The following FOXI3 variants were observed in gnomAD, a reference collection of about 807,000 sequenced individuals.
The protein encoded by FOXI3 is forkhead box I3.
Under a neutral mutation model 15.6 loss-of-function variants are expected in FOXI3, and 4 were observed. The ratio of observed to expected loss-of-function variants is 0.26; its 90% CI spans 0.13 to 0.59. FOXI3 has a LOEUF of 0.59. Ranked by LOEUF, FOXI3 falls within the 20% of genes least tolerant of loss-of-function variation. The probability of loss-of-function intolerance (pLI) is 0.90; values close to 1 mark genes in which losing one functional copy is unlikely to be tolerated. For synonymous variants in FOXI3, 238 were observed against 244.4 expected (o/e 0.97, Z 0.25); for missense variants, 489 against 548.2 (o/e 0.89, Z 1.08).
rs1208628703 is a variant in FOXI3, at chr2:88,448,185, T to A, written c.*22A>T. On this transcript the variant is annotated 3_prime_UTR_variant, in exon 2 of 2. Coordinates refer to ENST00000428390, the MANE Select transcript of FOXI3 (RefSeq NM_001135649.3). ...CATGTGTGCACGCCTCAGGTGTGCATACTCAAGTCTGAGAGTCTGCTCTAC... is the reference window on the plus strand; with the variant it reads ...CATGTGTGCACGCCTCAGGTGTGCAAACTCAAGTCTGAGAGTCTGCTCTAC... 1.3e-6 allele frequency: 2 copies of A among 1,545,122 alleles called. No homozygotes were observed. The highest frequency in any genetic ancestry group is 1.8e-6 in the Non-Finnish European group (2 of 1,142,536).
chr2:88,452,616 C>A lies in FOXI3; in HGVS notation c.-81G>T. On this transcript the variant is annotated 5_prime_UTR_variant, in exon 1 of 2. It adds an upstream start codon to the 5' untranslated region. Transcript: ENST00000428390. ...TCTCGCCGCTCGGGCGAGAGCATCC[C>A]TTTGGGGGCCAACCCTGCGGCTCCG... 1 of 887,100 alleles carries A rather than the reference C, an allele frequency of 1.1e-6. No individual in the cohort carries two copies. The highest frequency in any genetic ancestry group is 5.1e-5 in the South Asian group (1 of 19,708). The allele number at this position is 887,100 out of a possible 1,614,324, so 55.0% of individuals were successfully genotyped here.
chr2:88,452,360 G>A lies in FOXI3; in HGVS notation c.176C>T (p.Pro59Leu). 1.0e-6 allele frequency: 1 copy of A among 986,038 alleles called. No individual in the cohort carries two copies. The highest frequency in any genetic ancestry group is 4.5e-5 in the South Asian group (1 of 22,144). 61.1% of individuals were successfully genotyped at this position (986,038 alleles called of 1,614,324 possible). The stretch of plus-strand genomic sequence containing the variant: ...GGCGGAGGGCGGGCCTCCCACGCCG[G>A]GCCCGTTGAGCCACAGGTAGGGGTT... ...AANPYLWLNGPGVGGPPSAAA... is the reference protein window; with the variant it reads ...AANPYLWLNGLGVGGPPSAAA... Residue 59 changes from proline (P) to leucine (L), a missense_variant, in exon 1 of 2, where the codon CCC (proline) becomes CTC (leucine). Physicochemically the swap from Pro to Leu is moderately conservative, Grantham distance 98. This residue lies in a region of FOXI3 where 224 missense variants were observed against 245.7 expected (regional missense o/e 0.91). Transcript: ENST00000428390.
intron 1 of FOXI3, among the ~76,000 whole-genome samples, chr2:88,450,337 G>A (rs938426090): frequency 6.6e-6 from 1 of 151,338 alleles, no homozygotes; most frequent in Non-Finnish European, 1.5e-5. Flanking sequence ...GGCTAAGGCA[G>A]CAAAATTGTT....
chr2:88,448,465 A>C lies in FOXI3; in HGVS notation c.1005T>G (p.Pro335=). Residue 335 remains proline, a synonymous_variant, in exon 2 of 2, where the codon CCT becomes CCG. Transcript: ENST00000428390. ...CCTGGATCCCTAGGTGGCGGCTGCCAGGGAGAGCCCGCTGGGTACTCACAC... is the reference window on the plus strand; with the variant it reads ...CCTGGATCCCTAGGTGGCGGCTGCCCGGGAGAGCCCGCTGGGTACTCACAC... ...SSSVSTQRAL[P]GSRHLGIQGA... is the part of the protein sequence containing the mutation. The C allele has an allele frequency of 6.4e-7, 1 of 1,551,690 alleles. No homozygotes were observed.
Position 88,452,666 on chromosome 2 carries a change from T to A in FOXI3, c.-131A>T. Reference sequence around the variant, plus strand: ...GCCTTCACCCGCGCTGGGCGCCCGGTGCTCCGGGCCGGGGTCGGGCGGGTG... The same window carrying A: ...GCCTTCACCCGCGCTGGGCGCCCGGAGCTCCGGGCCGGGGTCGGGCGGGTG... On this transcript the variant is annotated 5_prime_UTR_variant, in exon 1 of 2. Coordinates refer to ENST00000428390, the MANE Select transcript of FOXI3 (RefSeq NM_001135649.3). 1 of 448,838 alleles carries A rather than the reference T, an allele frequency of 2.2e-6. No homozygotes were observed. Among genetic ancestry groups the A allele is most frequent in the Non-Finnish European group, 3.0e-6 (1 of 328,062 alleles). The allele number at this position is 448,838 out of a possible 1,614,324, so 27.8% of individuals were successfully genotyped here.
chr2:88,448,503 T>C lies in FOXI3; in HGVS notation c.967A>G (p.Ser323Gly). The C allele has an allele frequency of 1.3e-6, 2 of 1,551,612 alleles. No individual in the cohort carries two copies. The highest frequency in any genetic ancestry group is 2.4e-5 in the East Asian group (1 of 40,908). ...NTFFSSLSSL[S>G]VSSSVSTQRA... ...TGGGTACTCACACTGCTGCTGACAC[T>C]CAAGGAGCTGAGGCTGCTGAAGAAA... Residue 323 changes from serine (S) to glycine (G), a missense_variant, in exon 2 of 2, where the codon AGT becomes GGT. Around this residue, in one of 3 missense-constraint regions of FOXI3, gnomAD observed 263 missense variants for 285.5 expected, o/e 0.92. Transcript: ENST00000428390.
At chr2:88,449,448 C>A (rs981349785) in intron 1 of FOXI3, among the ~76,000 whole-genome samples, 3 of 151,868 alleles carry the variant, frequency 2.0e-5, no homozygotes, top group Non-Finnish European at 4.4e-5. Context: ...TTCAAAATGA[C>A]AAAAAAAATT....
At chr2:88,449,690 G>A (rs1183350118) in intron 1 of FOXI3, among the ~76,000 whole-genome samples, 1 of 152,160 alleles carries the variant, frequency 6.6e-6, no homozygotes, top group Admixed American at 6.5e-5. Flanking sequence ...CTATCATCTT[G>A]GAGGATTTTA....
intron 1 of FOXI3, among the ~76,000 whole-genome samples, chr2:88,451,186 A>G (rs1676037469): frequency 6.6e-6 from 1 of 152,004 alleles, no homozygotes. Flanking sequence ...GTTAACACTC[A>G]CTCCACTGTA....
Position 88,447,920 on chromosome 2 carries a change from C to T in FOXI3, c.*287G>A, listed in dbSNP as rs542818451. 6.3e-6 allele frequency: 3 copies of T among 474,780 alleles called. No individual in the cohort carries two copies. Among genetic ancestry groups the T allele is most frequent in the Admixed American group, 3.3e-5 (1 of 30,040 alleles). 29.4% of individuals were successfully genotyped at this position (474,780 alleles called of 1,614,324 possible). A position where few individuals can be genotyped will look rare whatever the true frequency, so the allele number is the denominator to read the frequency against. ...TGATAAACAAAATAGACATGGTCCC[C>T]GCCCTCACGGGGCTCACAGGCTACC... On this transcript the variant is annotated 3_prime_UTR_variant, in exon 2 of 2. Transcript: ENST00000428390.
rs1386809621 is a variant in FOXI3 at position 88,452,020 on chromosome 2, G to A, written c.516C>T (p.Tyr172=). ...AGGGGAAGCTATCGGCGACGAACTGGTAGATGTGGCTGAGAGTGAGTTTGC... is the reference window on the plus strand; with the variant it reads ...AGGGGAAGCTATCGGCGACGAACTGATAGATGTGGCTGAGAGTGAGTTTGC... The part of the protein sequence containing the change: ...PERKLTLSHI[Y]QFVADSFPFY... The change falls in exon 1 of 2, where the codon TAC becomes TAT. Residue 172 remains tyrosine, a synonymous_variant. Transcript: ENST00000428390. 6.2e-7 allele frequency: 1 copy of A among 1,607,010 alleles called. No homozygotes were observed. The highest frequency in any genetic ancestry group is 2.2e-5 in the East Asian group (1 of 44,574).
At position 88,447,128 on chromosome 2, in the gene FOXI3, G is replaced by C. The variant is rs1254077200; in HGVS notation, c.*1079C>G. Reference sequence around the variant, plus strand: ...ACTTCCCTTACATGGAAAATGGGGGGTAGTAACAATACCCACCACCCAAGG... The same window carrying C: ...ACTTCCCTTACATGGAAAATGGGGGCTAGTAACAATACCCACCACCCAAGG... On this transcript the variant is annotated 3_prime_UTR_variant, in exon 2 of 2. Transcript: ENST00000428390. The C allele has an allele frequency of 6.6e-6, 1 of 152,160 alleles. No individual in the cohort carries two copies. Among genetic ancestry groups the C allele is most frequent in the Non-Finnish European group, 1.5e-5 (1 of 68,040 alleles). The allele number at this position is 152,160 out of a possible 1,614,324, so 9.4% of individuals were successfully genotyped here. A position where few individuals can be genotyped will look rare whatever the true frequency, so the allele number is the denominator to read the frequency against.
chr2:88,448,297 G>A lies in FOXI3; in HGVS notation c.1173C>T (p.Ser391=), dbSNP rs774808218. Residue 391 remains serine, a synonymous_variant, in exon 2 of 2, where the codon AGC becomes AGT. Coordinates refer to ENST00000428390, the MANE Select transcript of FOXI3 (RefSeq NM_001135649.3). ...SYYSPFPAST[S]GGQSSPFSSP... Reference sequence around the variant, plus strand: ...TGCTGAAGGGGCTGCTTTGCCCCCCGCTGGTGCTGGCAGGGAAAGGGCTGT... The same window carrying A: ...TGCTGAAGGGGCTGCTTTGCCCCCCACTGGTGCTGGCAGGGAAAGGGCTGT... The A allele has an allele frequency of 5.8e-6, 9 of 1,551,534 alleles. No homozygotes were observed. Among genetic ancestry groups the A allele is most frequent in the East Asian group, 4.9e-5 (2 of 40,922 alleles).
At chr2:88,451,797 C>G in intron 1 of FOXI3, 99 bp downstream of exon 1, 1 of 1,518,994 alleles carries the variant, frequency 6.6e-7, no homozygotes, top group Non-Finnish European at 8.9e-7. Context: ...GACAAGAAGA[C>G]TCCTGGCAGA....
chr2:88,447,986 C>A lies in FOXI3; in HGVS notation c.*221G>T. On this transcript the variant is annotated 3_prime_UTR_variant, in exon 2 of 2. Coordinates refer to ENST00000428390, the MANE Select transcript of FOXI3 (RefSeq NM_001135649.3). ...TGAAACGGATTTCTCTCTGGAGAGG[C>A]CCACATGCAGAGAAACCTGTAAAAG... 1 of 575,706 alleles carries A rather than the reference C, an allele frequency of 1.7e-6. No individual in the cohort carries two copies. The highest frequency in any genetic ancestry group is 2.2e-5 in the South Asian group (1 of 45,446). The allele number at this position is 575,706 out of a possible 1,614,324, so 35.7% of individuals were successfully genotyped here. A position where few individuals can be genotyped will look rare whatever the true frequency, so the allele number is the denominator to read the frequency against.
At chr2:88,450,472 A>C (rs1416545613) in intron 1 of FOXI3, among the ~76,000 whole-genome samples, 1 of 152,144 alleles carries the variant, frequency 6.6e-6, no homozygotes, top group Non-Finnish European at 1.5e-5. Context: ...CACTGGGCTA[A>C]GCCGCCTCCA....
At chr2:88,449,894 A>G (rs945093307) in intron 1 of FOXI3, among the ~76,000 whole-genome samples, 1 of 152,190 alleles carries the variant, frequency 6.6e-6, no homozygotes, top group Admixed American at 6.5e-5. Flanking sequence ...AACTTGTCAT[A>G]TTCCTAAGTT....
chr2:88,452,355 C>G lies in FOXI3; in HGVS notation c.181G>C (p.Val61Leu). 2.0e-6 allele frequency: 2 copies of G among 984,702 alleles called. No individual in the cohort carries two copies. The highest frequency in any genetic ancestry group is 2.4e-6 in the Non-Finnish European group (2 of 831,236). 61.0% of individuals were successfully genotyped at this position (984,702 alleles called of 1,614,324 possible). A position where few individuals can be genotyped will look rare whatever the true frequency, so the allele number is the denominator to read the frequency against. The change falls in exon 1 of 2, where the codon GTG (valine) becomes CTG (leucine). Residue 61 changes from valine to leucine, a missense_variant. Physicochemically the swap from Val to Leu is conservative, Grantham distance 32. Around this residue, in one of 3 missense-constraint regions of FOXI3, gnomAD observed 224 missense variants for 245.7 expected, o/e 0.91. Coordinates refer to ENST00000428390, the MANE Select transcript of FOXI3 (RefSeq NM_001135649.3). ...NPYLWLNGPG[V>L]GGPPSAAAAA... The stretch of plus-strand genomic sequence containing the variant: ...GCGGCGGCGGAGGGCGGGCCTCCCA[C>G]GCCGGGCCCGTTGAGCCACAGGTAG...
In FOXI3 at chr2:88,452,398, C is replaced by A. The variant is rs984704390; in HGVS notation, c.138G>T (p.Pro46=). 12 of 993,908 alleles carry A rather than the reference C, an allele frequency of 1.2e-5. No individual in the cohort carries two copies. Among genetic ancestry groups the A allele is most frequent in the Non-Finnish European group, 1.4e-5 (12 of 837,566 alleles). 61.6% of individuals were successfully genotyped at this position (993,908 alleles called of 1,614,324 possible). A position where few individuals can be genotyped will look rare whatever the true frequency, so the allele number is the denominator to read the frequency against. ...ACAGGTAGGGGTTGGCGGCGGCGGCCGGCGGCGCGGCGTAGTCGGCCAGCC... is the reference window on the plus strand; with the variant it reads ...ACAGGTAGGGGTTGGCGGCGGCGGCAGGCGGCGCGGCGTAGTCGGCCAGCC... ...PYGLADYAAP[P]AAAANPYLWL... is the part of the protein sequence containing the mutation. Residue 46 remains proline, a synonymous_variant, in exon 1 of 2, where the codon CCG becomes CCT. Transcript: ENST00000428390.
Sources: allele counts gnomAD v4.1 joint callset (sites outside exome capture counted in the v4.1 genomes callset), GRCh38; gene constraint gnomAD v4.1.1; regional missense constraint gnomAD v4.1.1; transcripts MANE v1.5; gene names NCBI Gene and HGNC (gene_info 2026-07-23, HGNC 2026-07-21).